Variants in ALOX5AP observed in about 807,000 individuals in gnomAD.
ALOX5AP encodes arachidonate 5-lipoxygenase-activating protein.
A neutral mutation model predicts 18.5 loss-of-function variants in ALOX5AP; 9 were observed. The observed-to-expected ratio is 0.49, with a 90% CI of 0.29 to 0.85. ALOX5AP has a LOEUF of 0.85. ALOX5AP is among the 40% of genes least tolerant of loss of function. The pLI, the probability that ALOX5AP is intolerant of heterozygous loss-of-function variation, is 0.08. For missense variants in ALOX5AP, 172 were observed against 202.5 expected (o/e 0.85, Z 0.91); for synonymous variants, 81 against 78.6 (o/e 1.03, Z -0.16).
At chr13:30,734,209 G>T (rs947457966), upstream of ALOX5AP, among the ~76,000 whole-genome samples, 11 of 152,186 alleles carry the variant, frequency 7.2e-5, no homozygotes, top group Non-Finnish European at 4.4e-5. Context: ...GTACCCAAGT[G>T]TGTCATGACC....
intron 3 of ALOX5AP, among the ~76,000 whole-genome samples, chr13:30,755,032 C>T (rs1031455704): frequency 1.1e-4 from 16 of 152,206 alleles, no homozygotes; most frequent in African/African-American, 3.6e-4. Flanking sequence ...ACTCCCAGCT[C>T]CAAGCCTTCA....
At chr13:30,718,402 T>TCACAG (rs1951566893) in intron 1 of ALOX5AP, among the ~76,000 whole-genome samples, 1 of 139,920 alleles carries the variant, frequency 7.1e-6, no homozygotes, top group South Asian at 2.3e-4. Flanking sequence ...TATATATATA[T>TCACAG]ATATGCATAT....
chr13:30,728,336 C>T (rs1043192676), intron 1 of ALOX5AP, among the ~76,000 whole-genome samples: 1 of 152,146 alleles, frequency 6.6e-6, no homozygotes, highest in Non-Finnish European at 1.5e-5. Context: ...TGTTTTAAGC[C>T]ACTCAGTTTG....
intron 1 of ALOX5AP, among the ~76,000 whole-genome samples, chr13:30,741,180 T>C (rs1173140612): frequency 7.6e-6 from 1 of 131,442 alleles, no homozygotes; most frequent in Non-Finnish European, 1.6e-5. Context: ...TGGAGTACAG[T>C]GGCTCGATCT....
intron 3 of ALOX5AP, among the ~76,000 whole-genome samples, chr13:30,753,147 C>T (rs1354982574): frequency 6.6e-6 from 1 of 152,160 alleles, no homozygotes; most frequent in African/African-American, 2.4e-5. Context: ...TGAATGAAGA[C>T]AATGACAAGG....
chr13:30,739,798 G>C (rs150124302), intron 1 of ALOX5AP, among the ~76,000 whole-genome samples: 1 of 152,238 alleles, frequency 6.6e-6, no homozygotes, highest in African/African-American at 2.4e-5. Context: ...TTGGTTGAAA[G>C]TCCCAAGGTC....
At chr13:30,755,677 T>C (rs1001412714) in intron 3 of ALOX5AP, among the ~76,000 whole-genome samples, 3 of 152,228 alleles carry the variant, frequency 2.0e-5, no homozygotes, top group Non-Finnish European at 4.4e-5. Flanking sequence ...TGAATTTGTG[T>C]TGGGCTGTAT....
At chr13:30,732,921 C>T (rs563910987), upstream of ALOX5AP, among the ~76,000 whole-genome samples, 4 of 151,856 alleles carry the variant, frequency 2.6e-5, no homozygotes, top group East Asian at 1.9e-4. Context: ...TTTGGGAGGC[C>T]GAGGCGGGCA....
chr13:30,754,745 C>T (rs143312085), intron 3 of ALOX5AP, among the ~76,000 whole-genome samples: 1 of 152,296 alleles, frequency 6.6e-6, no homozygotes, highest in African/African-American at 2.4e-5. Context: ...TTTTGAACAC[C>T]CCTATGTGCC....
upstream of ALOX5AP, chr13:30,735,525 A>G (rs1449019523): frequency 6.3e-7 from 1 of 1,599,582 alleles, no homozygotes; most frequent in African/African-American, 1.3e-5. Context: ...AAAGAGTGCA[A>G]GCTCTCACTT....
intron 4 of ALOX5AP, among the ~76,000 whole-genome samples, chr13:30,760,265 G>GA (rs1951930273): frequency 6.9e-6 from 1 of 145,956 alleles, no homozygotes; most frequent in Non-Finnish European, 1.5e-5. Flanking sequence ...GGAAGTGGAG[G>GA]AGGGGGGGTG....
intron 1 of ALOX5AP, among the ~76,000 whole-genome samples, chr13:30,726,810 C>A (rs543243077): frequency 6.6e-6 from 1 of 152,118 alleles, no homozygotes; most frequent in East Asian, 1.9e-4. Context: ...GGACTACAGG[C>A]ATGCACCACC....
chr13:30,717,991 C>T (rs1951562856), intron 1 of ALOX5AP, among the ~76,000 whole-genome samples: 1 of 150,302 alleles, frequency 6.7e-6, no homozygotes, highest in African/African-American at 2.5e-5. Flanking sequence ...CGGAGTTTCA[C>T]TCTTGTTGCC....
At chr13:30,713,736 T>C (rs1258464522) in exon 1 of ALOX5AP, 1 of 1,532,448 alleles carries the variant, frequency 6.5e-7, no homozygotes, top group Admixed American at 2.0e-5. Context: ...ATGCTCACAT[T>C]TAATCACGAT....
chr13:30,725,841 C>T (rs1951635490), intron 1 of ALOX5AP, among the ~76,000 whole-genome samples: 1 of 152,170 alleles, frequency 6.6e-6, no homozygotes, highest in African/African-American at 2.4e-5. Context: ...ACTGGCCTCA[C>T]AGTGAAGCAG....
chr13:30,718,428 A>G (rs930614159), intron 1 of ALOX5AP, among the ~76,000 whole-genome samples: 11 of 148,836 alleles, frequency 7.4e-5, no homozygotes, highest in Admixed American at 1.3e-4. Context: ...ATAACTCCAC[A>G]ACTACACACT....
Position 30,764,053 on chromosome 13 carries a change from A to G in ALOX5AP, c.433A>G (p.Asn145Asp). The G allele has an allele frequency of 6.2e-7, 1 of 1,614,182 alleles. No homozygotes were observed. Among genetic ancestry groups the G allele is most frequent in the East Asian group, 2.2e-5 (1 of 44,878 alleles). The change falls in exon 5 of 5, where the codon AAC (asparagine) becomes GAC (aspartate). Residue 145 changes from asparagine (N) to aspartate (D), a missense_variant. Transcript: ENST00000380490. ...CTTCTTTTTCGGAAGTGACTTTGAA[A>G]ACTACATAAAGACGATCTCCACCAC... is the stretch of plus-strand genomic sequence containing the variant. ...LIFFFGSDFENYIKTISTTIS... is the reference protein window; with the variant it reads ...LIFFFGSDFEDYIKTISTTIS...
intron 1 of ALOX5AP, among the ~76,000 whole-genome samples, chr13:30,726,548 A>C (rs1381130480): frequency 2.6e-5 from 4 of 152,314 alleles, no homozygotes; most frequent in African/African-American, 9.6e-5. Flanking sequence ...GGGGAATTCC[A>C]AGGGGAATAT....
chr13:30,727,858 C>T (rs1951651140), intron 1 of ALOX5AP, among the ~76,000 whole-genome samples: 1 of 152,112 alleles, frequency 6.6e-6, no homozygotes, highest in Non-Finnish European at 1.5e-5. Context: ...TTGGGTTGTC[C>T]TTGCTTCCCA....
Sources: allele counts gnomAD v4.1 joint callset (sites outside exome capture counted in the v4.1 genomes callset), GRCh38; gene constraint gnomAD v4.1.1; transcripts MANE v1.5; gene names NCBI Gene and HGNC (gene_info 2026-07-23, HGNC 2026-07-21).